RASA1: variants seen among roughly 807,000 people sequenced by gnomAD.
RASA1 encodes RAS p21 protein activator 1.
Under a neutral mutation model 132.2 loss-of-function variants are expected in RASA1, and 25 were observed. The ratio of observed to expected loss-of-function variants is 0.19; its 90% CI spans 0.14 to 0.26. The LOEUF (loss-of-function observed/expected upper bound fraction) is 0.26, where lower values mean the gene tolerates loss of function less well. Among genes scored for constraint, RASA1 ranks in the 10% least tolerant of loss-of-function variants. RASA1 has a pLI of 1.00. For missense variants in RASA1, 964 were observed against 1,299.2 expected (o/e 0.74, Z 3.97); for synonymous variants, 477 against 449.9 (o/e 1.06, Z -0.76).
intron 1 of RASA1, among the ~76,000 whole-genome samples, chr5:87,325,241 G>A (rs1008669186): frequency 6.6e-6 from 1 of 152,120 alleles, no homozygotes; most frequent in Non-Finnish European, 1.5e-5. Context: ...CAGCATGGGG[G>A]TAACTGCCCC....
chr5:87,268,840 C>A lies in RASA1; in HGVS notation c.389C>A (p.Pro130Gln). ...PTSLLAETLG[P>Q]GGGFPPLPPP... The stretch of plus-strand genomic sequence containing the variant: ...TCGTTGCTTGCTGAGACTCTCGGGC[C>A]AGGCGGCGGTTTTCCCCCTCTGCCC... Residue 130 changes from proline to glutamine, a missense_variant, in exon 1 of 25, where the codon CCA (proline) becomes CAA (glutamine). Physicochemically the swap from Pro to Gln is moderately conservative, Grantham distance 76. This residue lies in a region of RASA1 where 326 missense variants were observed against 275.8 expected (regional missense o/e 1.18). Coordinates refer to ENST00000274376, the MANE Select transcript of RASA1 (RefSeq NM_002890.3). The A allele has an allele frequency of 6.2e-7, 1 of 1,614,154 alleles. No individual in the cohort carries two copies. The highest frequency in any genetic ancestry group is 8.5e-7 in the Non-Finnish European group (1 of 1,180,036).
chr5:87,326,297 A>C (rs1474424582), intron 1 of RASA1, among the ~76,000 whole-genome samples: 1 of 152,156 alleles, frequency 6.6e-6, no homozygotes, highest in Non-Finnish European at 1.5e-5. Context: ...AAAAATGTTC[A>C]TGTGATTCCA....
chr5:87,377,158 T>G, intron 17 of RASA1, 118 bp downstream of exon 17: 1 of 1,337,786 alleles, frequency 7.5e-7, no homozygotes, highest in Admixed American at 1.8e-5. Context: ...AAATAAGTTA[T>G]TCTGTTTTCC....
chr5:87,344,892 C>G (rs1356202140), intron 6 of RASA1, among the ~76,000 whole-genome samples: 2 of 152,060 alleles, frequency 1.3e-5, no homozygotes, highest in South Asian at 4.1e-4. Flanking sequence ...TCATTCATCA[C>G]TTCCCCCTAG....
chr5:87,370,652 ACTGT>A (rs1194049405), intron 12 of RASA1, among the ~76,000 whole-genome samples: 2 of 152,068 alleles, frequency 1.3e-5, no homozygotes, highest in African/African-American at 4.8e-5. Flanking sequence ...AAACTGAGAC[ACTGT>A]CTCTTAAAAA....
intron 15 of RASA1, 70 bp from the exon 16 acceptor site, chr5:87,376,323 G>A: frequency 6.4e-7 from 1 of 1,563,658 alleles, no homozygotes; most frequent in Non-Finnish European, 8.7e-7. Flanking sequence ...TGAACACCAG[G>A]AAAATTTACT....
intron 1 of RASA1, among the ~76,000 whole-genome samples, chr5:87,284,309 C>T (rs770035765): frequency 6.6e-6 from 1 of 152,162 alleles, no homozygotes; most frequent in Non-Finnish European, 1.5e-5. Flanking sequence ...CATTATGTCA[C>T]TTAAGTGACT....
chr5:87,390,947 A>G lies in RASA1; in HGVS notation c.*64A>G. 1 of 1,490,826 alleles carries G rather than the reference A, an allele frequency of 6.7e-7. No individual in the cohort carries two copies. Among genetic ancestry groups the G allele is most frequent in the Non-Finnish European group, 9.4e-7 (1 of 1,069,090 alleles). The allele number at this position is 1,490,826 out of a possible 1,614,324, so 92.3% of individuals were successfully genotyped here. On this transcript the variant is annotated 3_prime_UTR_variant, in exon 25 of 25. Transcript: ENST00000274376. ...CCAACATGGTAATTCACTTCAGTTT[A>G]ATGTCTCCTTTGCTCTTGCCAAAAA... is the stretch of plus-strand genomic sequence containing the variant.
intron 15 of RASA1, among the ~76,000 whole-genome samples, chr5:87,375,940 T>C (rs1442342294): frequency 1.3e-5 from 2 of 152,226 alleles, no homozygotes; most frequent in African/African-American, 2.4e-5. Flanking sequence ...TACCTTATAT[T>C]TGAAGTGCTC....
intron 4 of RASA1, 126 bp from the exon 5 acceptor site, chr5:87,337,848 G>C (rs780720296): frequency 7.1e-5 from 71 of 1,001,000 alleles, no homozygotes; most frequent in Admixed American, 1.3e-4. Context: ...AATTTAGGGT[G>C]TTTGACTCTA....
intron 6 of RASA1, among the ~76,000 whole-genome samples, chr5:87,343,085 C>G (rs1758596867): frequency 4.6e-5 from 7 of 152,060 alleles, no homozygotes; most frequent in Admixed American, 2.6e-4. Context: ...CTTTAATTTC[C>G]TAATATAGGG....
intron 1 of RASA1, among the ~76,000 whole-genome samples, chr5:87,300,897 C>T (rs571275007): frequency 6.6e-6 from 1 of 152,174 alleles, no homozygotes; most frequent in South Asian, 2.1e-4. Flanking sequence ...TCTGTCCTGT[C>T]TCTGACCTTA....
intron 9 of RASA1, among the ~76,000 whole-genome samples, chr5:87,353,960 T>G (rs990743236): frequency 2.0e-5 from 3 of 152,108 alleles, no homozygotes; most frequent in African/African-American, 7.2e-5. Context: ...GGATTAATAA[T>G]TTTCCTAAGT....
At chr5:87,335,028 G>T (rs943535182) in intron 4 of RASA1, among the ~76,000 whole-genome samples, 1 of 152,094 alleles carries the variant, frequency 6.6e-6, no homozygotes, top group Admixed American at 6.5e-5. Flanking sequence ...AATTACAGGC[G>T]TGTGTCACCA....
intron 1 of RASA1, among the ~76,000 whole-genome samples, chr5:87,277,123 G>A (rs1030046926): frequency 6.6e-6 from 1 of 152,146 alleles, no homozygotes; most frequent in African/African-American, 2.4e-5. Flanking sequence ...GATATAGTGA[G>A]AATGGGCATC....
At chr5:87,331,929 A>G (rs1443497568) in intron 2 of RASA1, among the ~76,000 whole-genome samples, 1 of 152,070 alleles carries the variant, frequency 6.6e-6, no homozygotes, top group Non-Finnish European at 1.5e-5. Context: ...AGACATATAA[A>G]TTTTCAAGTA....
chr5:87,384,196 A>T lies in RASA1; in HGVS notation c.2758+416A>T, dbSNP rs114527147. On this transcript the variant is annotated intron_variant, in intron 21 of 24. Coordinates refer to ENST00000274376, the MANE Select transcript of RASA1 (RefSeq NM_002890.3). ...ACAGTTGGAATAGTATTCTGTGAGT[A>T]CTTATGAAGAAAGCAGTCCTGGTTC... Among the ~76,000 whole-genome samples the T allele has an allele frequency of 7.6e-3, 1,159 of 152,250 alleles. 15 individuals are homozygous for T. The highest frequency in any genetic ancestry group is 0.027 in the African/African-American group (1,138 of 41,542).
At chr5:87,385,008 G>T (rs1761970279) in intron 21 of RASA1, among the ~76,000 whole-genome samples, 1 of 151,974 alleles carries the variant, frequency 6.6e-6, no homozygotes, top group East Asian at 1.9e-4. Context: ...AAAGCTTTGA[G>T]GTCCTTTGAA....
chr5:87,286,664 C>T (rs949609083), intron 1 of RASA1, among the ~76,000 whole-genome samples: 2 of 151,796 alleles, frequency 1.3e-5, no homozygotes, highest in African/African-American at 4.8e-5. Flanking sequence ...ATTTTACTTT[C>T]AGTAGACAAA....
Sources: allele counts gnomAD v4.1 joint callset (sites outside exome capture counted in the v4.1 genomes callset), GRCh38; gene constraint gnomAD v4.1.1; regional missense constraint gnomAD v4.1.1; transcripts MANE v1.5; gene names NCBI Gene and HGNC (gene_info 2026-07-23, HGNC 2026-07-21).